SYT16: variants seen among roughly 807,000 people sequenced by gnomAD.
The protein encoded by SYT16 is synaptotagmin 16, also known as synaptotagmin-16.
SYT16 carries 42 observed loss-of-function variants against 61.4 expected under a neutral mutation model. That is an observed-to-expected ratio of 0.68 (90% CI 0.53 to 0.89). SYT16 has a LOEUF of 0.89. Ranked by LOEUF, SYT16 falls within the 40% of genes least tolerant of loss-of-function variation. The pLI is 0.00. For synonymous variants in SYT16, 314 were observed against 302.3 expected (o/e 1.04, Z -0.40); for missense variants, 804 against 807.3 (o/e 1.00, Z 0.05).
At chr14:61,958,120 G>T (rs565437671) in intron 1 of SYT16, among the ~76,000 whole-genome samples, 2 of 151,258 alleles carry the variant, frequency 1.3e-5, no homozygotes, top group African/African-American at 2.4e-5. Context: ...TTTAATTGTA[G>T]GTTCAGTTGT....
intron 3 of SYT16, among the ~76,000 whole-genome samples, chr14:62,055,426 G>C (rs2055507067): frequency 6.6e-6 from 1 of 152,184 alleles, no homozygotes; most frequent in Non-Finnish European, 1.5e-5. Flanking sequence ...CGTTACTTGA[G>C]AGAGTCCTTG....
chr14:62,039,319 A>C (rs946316296), intron 3 of SYT16, among the ~76,000 whole-genome samples: 5 of 152,170 alleles, frequency 3.3e-5, no homozygotes, highest in African/African-American at 1.2e-4. Flanking sequence ...TATGAATAGA[A>C]TGCCATGAAA....
chr14:62,052,658 G>A (rs1279887962), intron 3 of SYT16, among the ~76,000 whole-genome samples: 4 of 152,214 alleles, frequency 2.6e-5, no homozygotes, highest in Non-Finnish European at 4.4e-5. Context: ...TGATGGGTTG[G>A]TACTTAGAAG....
rs2050180171 is a variant in SYT16 at position 61,940,847 on chromosome 14, A to ACC, written c.-324-29284_-324-29283dup. Among the ~76,000 whole-genome samples, 4 of 152,188 alleles carry ACC rather than the reference A, an allele frequency of 2.6e-5. 1 individual carries two copies. The South Asian group carries it at 8.3e-4, about 32-fold the overall frequency. On this transcript the variant is annotated intron_variant, in intron 1 of 7. Coordinates refer to ENST00000683842, the MANE Select transcript of SYT16 (RefSeq NM_001367656.1). ...CGGCTGTTCCTAGATCAGACTGAGA[A>ACC]CCGGAATGGTTGACAAGGTCTGTAT...
intron 1 of SYT16, among the ~76,000 whole-genome samples, chr14:61,956,732 G>C (rs1026431488): frequency 1.3e-5 from 2 of 151,986 alleles, no homozygotes; most frequent in Non-Finnish European, 2.9e-5. Context: ...ACATCAGGGA[G>C]TGTGCTACCT....
At chr14:61,868,466 A>C (rs2047229558) in intron 1 of SYT16, among the ~76,000 whole-genome samples, 1 of 151,926 alleles carries the variant, frequency 6.6e-6, no homozygotes, top group African/African-American at 2.4e-5. Context: ...TAATATAAGC[A>C]CTACTTTTGC....
intron 7 of SYT16, among the ~76,000 whole-genome samples, chr14:62,094,970 T>TA (rs781260530): frequency 2.6e-5 from 4 of 152,066 alleles, no homozygotes; most frequent in Non-Finnish European, 5.9e-5. Context: ...CAACCGGTTC[T>TA]AGAGTACTGG....
intron 2 of SYT16, among the ~76,000 whole-genome samples, chr14:61,972,730 G>T (rs193128890): frequency 3.9e-5 from 6 of 152,164 alleles, no homozygotes; most frequent in Non-Finnish European, 7.4e-5. Context: ...TTTGACAAAC[G>T]TAAAGAAGGA....
At chr14:61,886,240 A>T (rs896814777) in intron 1 of SYT16, among the ~76,000 whole-genome samples, 1 of 152,060 alleles carries the variant, frequency 6.6e-6, no homozygotes, top group Non-Finnish European at 1.5e-5. Context: ...CTGGGATTAC[A>T]GGCGTGAGCC....
rs117574114 is a variant in SYT16, at chr14:61,857,798, G to C, written c.-325+44988G>C. Among the ~76,000 whole-genome samples the C allele has an allele frequency of 5.7e-3, 875 of 152,264 alleles. 1 individual carries two copies. The highest frequency in any genetic ancestry group is 9.0e-3 in the Non-Finnish European group (612 of 68,020). On this transcript the variant is annotated intron_variant, in intron 1 of 7. Coordinates refer to ENST00000683842, the MANE Select transcript of SYT16 (RefSeq NM_001367656.1). ...AATCCAGTGCATAAATGGAGGATTT[G>C]ACCTAAGATGGGAACACAAGCAATT...
chr14:61,818,642 C>T (rs2045517510), intron 1 of SYT16, among the ~76,000 whole-genome samples: 1 of 147,984 alleles, frequency 6.8e-6, no homozygotes, highest in Non-Finnish European at 1.5e-5. Flanking sequence ...TGCTTCACCG[C>T]ACTCCAGCCT....
intron 3 of SYT16, among the ~76,000 whole-genome samples, chr14:62,056,791 A>G (rs995223411): frequency 4.6e-5 from 7 of 152,194 alleles, no homozygotes; most frequent in Non-Finnish European, 8.8e-5. Context: ...TCTTGCAAGC[A>G]GTTGCTTTGC....
At chr14:62,025,540 T>TCTCA (rs2054070217) in intron 3 of SYT16, among the ~76,000 whole-genome samples, 1 of 152,174 alleles carries the variant, frequency 6.6e-6, no homozygotes, top group Admixed American at 6.6e-5. Flanking sequence ...CCTCTCAGTC[T>TCTCA]GTGGCATGTC....
At chr14:62,029,779 GGA>G (rs1491574324) in intron 3 of SYT16, among the ~76,000 whole-genome samples, 1 of 142,894 alleles carries the variant, frequency 7.0e-6, no homozygotes, top group African/African-American at 2.9e-5. Context: ...TAGTCTAGTT[GGA>G]AAAAAAAAAA....
At chr14:61,859,605 A>G (rs1367916961) in intron 1 of SYT16, among the ~76,000 whole-genome samples, 3 of 151,748 alleles carry the variant, frequency 2.0e-5, no homozygotes, top group African/African-American at 7.3e-5. Flanking sequence ...ACACAGACAC[A>G]AACTCCTTGT....
chr14:62,011,180 A>G (rs1470915095), intron 3 of SYT16, among the ~76,000 whole-genome samples: 1 of 152,186 alleles, frequency 6.6e-6, no homozygotes, highest in African/African-American at 2.4e-5. Flanking sequence ...CAAGTAATGG[A>G]TGAATCTGGG....
chr14:61,905,075 C>T (rs2048654392), intron 1 of SYT16, among the ~76,000 whole-genome samples: 1 of 152,176 alleles, frequency 6.6e-6, no homozygotes, highest in Non-Finnish European at 1.5e-5. Flanking sequence ...GAAAACCTCT[C>T]CCTTACATTT....
intron 1 of SYT16, among the ~76,000 whole-genome samples, chr14:61,939,263 C>T (rs971723223): frequency 6.6e-6 from 1 of 152,166 alleles, no homozygotes; most frequent in African/African-American, 2.4e-5. Flanking sequence ...GATGCATAAT[C>T]CCCCCAAAGC....
intron 1 of SYT16, among the ~76,000 whole-genome samples, chr14:61,960,052 G>A (rs557627981): frequency 1.7e-4 from 26 of 152,176 alleles, no homozygotes; most frequent in Non-Finnish European, 3.5e-4. Context: ...GGCTGGTCTC[G>A]AACTCTTGTG....
Sources: allele counts gnomAD v4.1 joint callset (sites outside exome capture counted in the v4.1 genomes callset), GRCh38; gene constraint gnomAD v4.1.1; transcripts MANE v1.5; gene names NCBI Gene and HGNC (gene_info 2026-07-23, HGNC 2026-07-21).